The following NPHP3 variants were observed in gnomAD, a reference collection of about 807,000 sequenced individuals.
NPHP3 encodes the protein nephrocystin-3.
In NPHP3, 123 loss-of-function variants were observed where a neutral mutation model predicts 171.9. The ratio of observed to expected loss-of-function variants is 0.72; its 90% CI spans 0.62 to 0.83. NPHP3 has a LOEUF of 0.83. Ranked by LOEUF, NPHP3 falls within the 40% of genes least tolerant of loss-of-function variation. The probability of loss-of-function intolerance (pLI) is 0.00; values close to 1 mark genes in which losing one functional copy is unlikely to be tolerated. For synonymous variants in NPHP3, 558 were observed against 579.2 expected (o/e 0.96, Z 0.52); for missense variants, 1,506 against 1,591.9 (o/e 0.95, Z 0.92).
intron 13 of NPHP3, among the ~76,000 whole-genome samples, 153 bp from the exon 14 acceptor site, chr3:132,697,515 T>TAA (rs1560006902): frequency 2.5e-5 from 3 of 120,388 alleles, no homozygotes; most frequent in African/African-American, 9.0e-5. Flanking sequence ...TATTAAGTAA[T>TAA]TAATATATCT....
chr3:132,690,534 T>G lies in NPHP3; in HGVS notation c.2687A>C (p.Tyr896Ser), dbSNP rs1939273481. 2 of 1,612,982 alleles carry G rather than the reference T, an allele frequency of 1.2e-6. No individual in the cohort carries two copies. Among genetic ancestry groups the G allele is most frequent in the Non-Finnish European group, 1.7e-6 (2 of 1,178,968 alleles). The change falls in exon 19 of 27, where the codon TAT becomes TCT. Residue 896 changes from tyrosine to serine, a missense_variant. By Grantham distance (144) the Tyr-to-Ser change is moderately radical. Coordinates refer to ENST00000337331, the MANE Select transcript of NPHP3 (RefSeq NM_153240.5). ...LLNLFVSQNL[Y>S]KRGHFAELLS... ...GTTCTATAATGTTTCTTACCTTTTA[T>G]AAAGGTTTTGAGACACAAAGAGATT...
At chr3:132,719,897 TATATAC>T in intron 1 of NPHP3, 67 bp from the exon 2 acceptor site, 5 of 619,820 alleles carry the variant, frequency 8.1e-6, no homozygotes, top group Non-Finnish European at 1.1e-5. Flanking sequence ...CATTCTTATA[TATATAC>T]ATATATATAT....
At chr3:132,700,941 C>G (rs1355367032) in intron 10 of NPHP3, among the ~76,000 whole-genome samples, 1 of 151,954 alleles carries the variant, frequency 6.6e-6, no homozygotes, top group Non-Finnish European at 1.5e-5. Flanking sequence ...CTTATATGAA[C>G]CTTAGTCCAT....
At chr3:132,704,077 GC>G in intron 9 of NPHP3, 120 bp downstream of exon 9, 1 of 983,968 alleles carries the variant, frequency 1.0e-6, no homozygotes, top group Non-Finnish European at 1.6e-6. Flanking sequence ...GGATAATCAA[GC>G]CATGAGATTA....
At chr3:132,721,790 G>T in intron 1 of NPHP3, 173 bp downstream of exon 1, 1 of 891,118 alleles carries the variant, frequency 1.1e-6, no homozygotes, top group Non-Finnish European at 1.8e-6. Context: ...TCCAAAAAAA[G>T]AGACAGAAAA....
intron 4 of NPHP3, 69 bp downstream of exon 4, chr3:132,716,682 TAGTTCC>T (rs1335969929): frequency 2.0e-6 from 3 of 1,497,230 alleles, no homozygotes; most frequent in Non-Finnish European, 2.8e-6. Flanking sequence ...ATGGTATTAA[TAGTTCC>T]AGCACAAGAT....
chr3:132,709,272 C>CTTTTT (rs3046397), intron 6 of NPHP3, among the ~76,000 whole-genome samples: 3 of 75,966 alleles, frequency 3.9e-5, no homozygotes, highest in Admixed American at 1.9e-4. Context: ...CTTTCTCTCC[C>CTTTTT]TTTTTTTTTT....
At chr3:132,687,265 T>C (rs1939186475) in intron 21 of NPHP3, 39 bp from the exon 22 acceptor site, 1 of 895,256 alleles carries the variant, frequency 1.1e-6, no homozygotes, top group Non-Finnish European at 1.8e-6. Flanking sequence ...AAAAGAAACA[T>C]ATTCAAAGTA....
chr3:132,691,187 A>G lies in NPHP3; in HGVS notation c.2570+5T>C. 1 of 1,604,036 alleles carries G rather than the reference A, an allele frequency of 6.2e-7. No homozygotes were observed. The highest frequency in any genetic ancestry group is 8.5e-7 in the Non-Finnish European group (1 of 1,171,014). On this transcript the variant is annotated splice_donor_5th_base_variant and intron_variant, in intron 18 of 26. Coordinates refer to ENST00000337331, the MANE Select transcript of NPHP3 (RefSeq NM_153240.5). ...ACAGAAGAACAACAGGAACATTTAC[A>G]ATACCTTAGCTGCAAGGTGAAATAG...
chr3:132,721,137 C>A (rs922318283), intron 1 of NPHP3, among the ~76,000 whole-genome samples: 1 of 152,074 alleles, frequency 6.6e-6, no homozygotes, highest in African/African-American at 2.4e-5. Context: ...AGGCTGATCT[C>A]GAACTCCTGA....
chr3:132,703,063 T>C (rs1220815666), intron 9 of NPHP3, among the ~76,000 whole-genome samples: 1 of 152,226 alleles, frequency 6.6e-6, no homozygotes, highest in African/African-American at 2.4e-5. Flanking sequence ...ATACTTCTCA[T>C]AAAATAACGA....
chr3:132,718,858 G>C, intron 3 of NPHP3, 136 bp downstream of exon 3: 1 of 838,900 alleles, frequency 1.2e-6, no homozygotes, highest in South Asian at 1.5e-5. Flanking sequence ...GAGAACACAC[G>C]ACACTATTTG....
At position 132,682,127 on chromosome 3, in the gene NPHP3, T is replaced by C. The variant is rs113671554; in HGVS notation, c.3813-37A>G. 481 of 1,560,704 alleles carry C rather than the reference T, an allele frequency of 3.1e-4. 4 individuals are homozygous for C. The African/African-American group carries it at 4.8e-3, about 15-fold the overall frequency. On this transcript the variant is annotated intron_variant, in intron 26 of 26. Coordinates refer to ENST00000337331, the MANE Select transcript of NPHP3 (RefSeq NM_153240.5). Reference sequence around the variant, plus strand: ...AAAACAAAAACTCTTAAAATGAGAATATAACCTCTTACCAATTCAAAATGA... The same window carrying C: ...AAAACAAAAACTCTTAAAATGAGAACATAACCTCTTACCAATTCAAAATGA...
chr3:132,695,060 G>T (rs1939418196), intron 15 of NPHP3, 95 bp from the exon 16 acceptor site: 3 of 1,136,706 alleles, frequency 2.6e-6, no homozygotes. Context: ...TCTATTTTTT[G>T]TACTGCAACC....
At chr3:132,694,708 A>T (rs1267907121) in intron 16 of NPHP3, 119 bp downstream of exon 16, 1 of 1,111,140 alleles carries the variant, frequency 9.0e-7, no homozygotes, top group Non-Finnish European at 1.3e-6. Context: ...GGCTATCAGC[A>T]TTCCTGCATA....
rs1486422613 is a variant in NPHP3, at chr3:132,680,869, G to A, written c.*1041C>T. 1 of 152,176 alleles carries A rather than the reference G, an allele frequency of 6.6e-6. No homozygotes were observed. The highest frequency in any genetic ancestry group is 1.5e-5 in the Non-Finnish European group (1 of 68,022). 9.4% of individuals were successfully genotyped at this position (152,176 alleles called of 1,614,324 possible). ...AGACAGATTTAGGCCATCTAAGAAG[G>A]AAGATAAAGGAGAATGTCATATCTA... On this transcript the variant is annotated 3_prime_UTR_variant, in exon 27 of 27. Transcript: ENST00000337331.
intron 15 of NPHP3, among the ~76,000 whole-genome samples, chr3:132,696,469 G>A (rs1325485399): frequency 1.3e-5 from 2 of 152,108 alleles, no homozygotes; most frequent in Non-Finnish European, 2.9e-5. Context: ...CACAAATGAG[G>A]GTGAGGATGG....
At chr3:132,695,011 T>C (rs753864796) in intron 15 of NPHP3, 46 bp from the exon 16 acceptor site, 2 of 1,604,456 alleles carry the variant, frequency 1.2e-6, no homozygotes, top group South Asian at 2.2e-5. Flanking sequence ...ATTGCCAACA[T>C]CTGTGAAAAT....
At chr3:132,682,624 A>G in intron 26 of NPHP3, 79 bp downstream of exon 26, 1 of 864,318 alleles carries the variant, frequency 1.2e-6, no homozygotes, top group South Asian at 1.4e-5. Flanking sequence ...ACATTCAGTA[A>G]TACATATTTT....
Sources: allele counts gnomAD v4.1 joint callset (sites outside exome capture counted in the v4.1 genomes callset), GRCh38; gene constraint gnomAD v4.1.1; transcripts MANE v1.5; gene names NCBI Gene and HGNC (gene_info 2026-07-23, HGNC 2026-07-21).